The following VEPH1 variants were observed in gnomAD, a reference collection of about 807,000 sequenced individuals.
The protein encoded by VEPH1 is ventricular zone expressed PH domain containing 1, also known as ventricular zone-expressed PH domain-containing protein homolog 1.
A neutral mutation model predicts 85.2 loss-of-function variants in VEPH1; 80 were observed. The observed-to-expected ratio is 0.94, with a 90% CI of 0.78 to 1.13. The LOEUF is 1.13. VEPH1 is among the 50% of genes most tolerant of loss of function. The pLI is 0.00. For missense variants in VEPH1, 955 were observed against 980.5 expected, an observed-to-expected ratio of 0.97 and a Z score of 0.35; for synonymous variants, 297 against 348.0, an observed-to-expected ratio of 0.85 and a Z score of 1.63.
chr3:157,341,421 A>G (rs973425547), intron 9 of VEPH1, among the ~76,000 whole-genome samples: 4 of 152,252 alleles, frequency 2.6e-5, no homozygotes, highest in African/African-American at 4.8e-5. Flanking sequence ...AAGAAAGGGT[A>G]TCAGTGATTG....
At chr3:157,387,747 T>C (rs993658452) in intron 6 of VEPH1, among the ~76,000 whole-genome samples, 1 of 152,240 alleles carries the variant, frequency 6.6e-6, no homozygotes, top group African/African-American at 2.4e-5. Flanking sequence ...CCTGGAAAGC[T>C]GTTAAAACTA....
chr3:157,413,510 G>A (rs1731676648), intron 6 of VEPH1: 1 of 985,166 alleles, frequency 1.0e-6, no homozygotes, highest in African/African-American at 1.7e-5. Flanking sequence ...CTCTTTTATT[G>A]GTTGTTGTTA....
chr3:157,314,908 AATG>A (rs1432550407), intron 10 of VEPH1, among the ~76,000 whole-genome samples: 1 of 152,126 alleles, frequency 6.6e-6, no homozygotes, highest in African/African-American at 2.4e-5. Flanking sequence ...TTTACTAATC[AATG>A]ATGTGTCTAA....
intron 9 of VEPH1, among the ~76,000 whole-genome samples, chr3:157,360,724 T>A (rs1050524279): frequency 6.6e-6 from 1 of 152,090 alleles, no homozygotes; most frequent in Non-Finnish European, 1.5e-5. Context: ...ATAAAGCTAG[T>A]TGTTATGAAG....
chr3:157,348,548 T>C (rs1028687344), intron 9 of VEPH1, among the ~76,000 whole-genome samples: 5 of 152,250 alleles, frequency 3.3e-5, no homozygotes, highest in Non-Finnish European at 5.9e-5. Flanking sequence ...TATGTGTGTC[T>C]TCTTTTGAGA....
At chr3:157,447,594 C>CTTTTT (rs10719525) in intron 4 of VEPH1, among the ~76,000 whole-genome samples, 1 of 133,112 alleles carries the variant, frequency 7.5e-6, no homozygotes, top group African/African-American at 2.8e-5. Context: ...TGCTTCCAAT[C>CTTTTT]TTTTTTTTTT....
intron 12 of VEPH1, among the ~76,000 whole-genome samples, chr3:157,272,604 C>T (rs568335592): frequency 6.1e-5 from 9 of 147,722 alleles, no homozygotes; most frequent in East Asian, 4.0e-4. Flanking sequence ...ACCACAGGCA[C>T]GTGTCACCAC....
chr3:157,467,123 GTA>G (rs956905338), intron 3 of VEPH1, among the ~76,000 whole-genome samples: 5 of 117,186 alleles, frequency 4.3e-5, no homozygotes, highest in East Asian at 2.6e-4. Flanking sequence ...GTGTGTGTGT[GTA>G]TGTGTGTGTG....
At chr3:157,493,274 T>C (rs1560110223) in intron 2 of VEPH1, 2 of 456,276 alleles carry the variant, frequency 4.4e-6, no homozygotes, top group African/African-American at 2.0e-5. Flanking sequence ...ATTTAGACGA[T>C]CCCTTCCTGT....
chr3:157,324,700 T>G (rs993125810), intron 9 of VEPH1, among the ~76,000 whole-genome samples: 9 of 152,082 alleles, frequency 5.9e-5, no homozygotes, highest in Admixed American at 4.6e-4. Flanking sequence ...TAGTGTTCCA[T>G]GGTGTATATG....
chr3:157,437,602 C>T (rs764095082), intron 4 of VEPH1: 1 of 1,573,436 alleles, frequency 6.4e-7, no homozygotes, highest in Non-Finnish European at 8.6e-7. Context: ...GCGCATGCTG[C>T]TGCAAGCCAC....
At chr3:157,341,537 A>C (rs1379688924) in intron 9 of VEPH1, among the ~76,000 whole-genome samples, 1 of 143,692 alleles carries the variant, frequency 7.0e-6, no homozygotes, top group African/African-American at 2.4e-5. Flanking sequence ...AAACGACCAA[A>C]TCTATGTCTG....
chr3:157,364,603 G>A, intron 7 of VEPH1, 91 bp from the exon 8 acceptor site: 1 of 1,247,338 alleles, frequency 8.0e-7, no homozygotes, highest in South Asian at 1.4e-5. Flanking sequence ...TCACTCAGAA[G>A]CAAAAGCTTT....
At chr3:157,459,628 A>C (rs1735653157) in intron 4 of VEPH1, 1 of 1,270,614 alleles carries the variant, frequency 7.9e-7, no homozygotes, top group Admixed American at 3.8e-5. Flanking sequence ...AATATTTTGC[A>C]TGAACTAATT....
At chr3:157,456,890 T>C (rs1735431094) in intron 4 of VEPH1, among the ~76,000 whole-genome samples, 1 of 152,272 alleles carries the variant, frequency 6.6e-6, no homozygotes, top group Non-Finnish European at 1.5e-5. Flanking sequence ...TTTTAAAATA[T>C]TTTTTCTAGT....
chr3:157,399,439 TATC>T (rs1560032612), intron 6 of VEPH1, among the ~76,000 whole-genome samples: 6 of 152,214 alleles, frequency 3.9e-5, no homozygotes, highest in African/African-American at 1.4e-4. Flanking sequence ...TTATTTTAGA[TATC>T]TAGATATCTA....
At chr3:157,467,125 A>ATGTG (rs57109409) in intron 3 of VEPH1, among the ~76,000 whole-genome samples, 4,725 of 145,402 alleles carry the variant, frequency 0.032, 227 homozygotes, top group African/African-American at 0.1. Flanking sequence ...GTGTGTGTGT[A>ATGTG]TGTGTGTGTG....
intron 13 of VEPH1, among the ~76,000 whole-genome samples, chr3:157,265,115 C>A (rs1318740464): frequency 6.6e-6 from 1 of 152,106 alleles, no homozygotes; most frequent in Non-Finnish European, 1.5e-5. Context: ...TAAAGTAAAT[C>A]AGCCTTCATT....
chr3:157,454,007 AT>A (rs1287907943), intron 4 of VEPH1, among the ~76,000 whole-genome samples: 3 of 152,176 alleles, frequency 2.0e-5, no homozygotes, highest in Non-Finnish European at 4.4e-5. Flanking sequence ...TCGAAAAAGC[AT>A]TTTTTAAAAA....
Sources: gnomAD v4.1 joint callset for allele counts (sites outside exome capture counted in the v4.1 genomes callset) on GRCh38, gnomAD v4.1.1 for gene constraint, MANE v1.5 for transcripts, NCBI Gene and HGNC (gene_info 2026-07-23, HGNC 2026-07-21) for gene names.